GFRA1: variants seen among roughly 807,000 people sequenced by gnomAD.
The protein encoded by GFRA1 is GDNF family receptor alpha 1.
GFRA1 carries 16 observed loss-of-function variants against 51.6 expected under a neutral mutation model. The ratio of observed to expected loss-of-function variants is 0.31; its 90% CI spans 0.21 to 0.47. The LOEUF is 0.47. Among genes scored for constraint, GFRA1 ranks in the 20% least tolerant of loss-of-function variants. The pLI is 1.00. For missense variants in GFRA1, 530 were observed against 594.3 expected, an observed-to-expected ratio of 0.89 and a Z score of 1.13; for synonymous variants, 270 against 241.3, an observed-to-expected ratio of 1.12 and a Z score of -1.10.
intron 9 of GFRA1, among the ~76,000 whole-genome samples, chr10:116,070,313 A>G (rs555340201): frequency 3.9e-4 from 60 of 152,360 alleles, no homozygotes; most frequent in African/African-American, 1.4e-3. Flanking sequence ...ACCTAGCTGC[A>G]TCTATCACAC....
At chr10:116,270,703 G>T in intron 3 of GFRA1, 119 bp downstream of exon 3, 1 of 811,352 alleles carries the variant, frequency 1.2e-6, no homozygotes, top group Non-Finnish European at 2.0e-6. Flanking sequence ...CCAAGGAAAG[G>T]TCCTCACTCT....
intron 6 of GFRA1, among the ~76,000 whole-genome samples, chr10:116,099,924 G>A (rs1589788289): frequency 6.6e-6 from 1 of 152,154 alleles, no homozygotes; most frequent in Non-Finnish European, 1.5e-5. Context: ...AATTGTTATT[G>A]TTATTTTATT....
intron 4 of GFRA1, among the ~76,000 whole-genome samples, chr10:116,262,846 G>C (rs1206388478): frequency 6.6e-6 from 1 of 152,160 alleles, no homozygotes; most frequent in African/African-American, 2.4e-5. Flanking sequence ...GCCGCTATGA[G>C]GGGTACTGGA....
intron 6 of GFRA1, among the ~76,000 whole-genome samples, chr10:116,113,514 T>A (rs1400645342): frequency 1.3e-5 from 2 of 152,198 alleles, no homozygotes; most frequent in Non-Finnish European, 2.9e-5. Flanking sequence ...ACTTTAAAAT[T>A]TTTGTTTTAA....
chr10:116,098,839 T>A (rs1409685172), intron 6 of GFRA1, among the ~76,000 whole-genome samples: 1 of 152,218 alleles, frequency 6.6e-6, no homozygotes, highest in African/African-American at 2.4e-5. Context: ...AATGAAAGGC[T>A]AATTGAGTCA....
At chr10:116,239,830 C>G (rs1422451975) in intron 4 of GFRA1, among the ~76,000 whole-genome samples, 2 of 152,036 alleles carry the variant, frequency 1.3e-5, no homozygotes, top group East Asian at 3.9e-4. Flanking sequence ...ACTGAGTCTC[C>G]TAGGATTTAC....
chr10:116,094,072 G>A (rs191031655), intron 7 of GFRA1, among the ~76,000 whole-genome samples: 3 of 152,226 alleles, frequency 2.0e-5, no homozygotes, highest in Admixed American at 2.0e-4. Context: ...CTGCACTTAG[G>A]GTATTCCTTC....
intron 4 of GFRA1, among the ~76,000 whole-genome samples, chr10:116,262,005 C>A (rs1301611813): frequency 1.3e-5 from 2 of 152,162 alleles, no homozygotes; most frequent in African/African-American, 2.4e-5. Flanking sequence ...CAATTTGATA[C>A]CTCCTCTTGA....
chr10:116,200,760 C>G (rs572141917), intron 5 of GFRA1, among the ~76,000 whole-genome samples: 1 of 152,294 alleles, frequency 6.6e-6, no homozygotes, highest in South Asian at 2.1e-4. Flanking sequence ...GAGAGCTCTA[C>G]CCTATGACCT....
rs144458005 is a variant in GFRA1 at position 116,100,725 on chromosome 10, C to A, written c.771-3961G>T. 2.0e-5 allele frequency among the ~76,000 whole-genome samples: 3 copies of A among 152,302 alleles called. No individual in the cohort carries two copies. In the East Asian group the frequency reaches 5.8e-4, roughly 29 times the overall value. The stretch of plus-strand genomic sequence containing the variant: ...GCTTCAGACCTACTGTGTGCCCTCA[C>A]TGTTCCAGCAGCAATGGGAAGAGCA... On this transcript the variant is annotated intron_variant, in intron 6 of 10. Coordinates refer to ENST00000355422, the MANE Select transcript of GFRA1 (RefSeq NM_005264.8).
chr10:116,094,100 A>G (rs1236416387), intron 7 of GFRA1, among the ~76,000 whole-genome samples: 1 of 152,176 alleles, frequency 6.6e-6, no homozygotes, highest in African/African-American at 2.4e-5. Flanking sequence ...AATGGTATGG[A>G]TGTCGTGGAG....
At chr10:116,195,231 CCT>C (rs1963631976) in intron 5 of GFRA1, among the ~76,000 whole-genome samples, 1 of 152,148 alleles carries the variant, frequency 6.6e-6, no homozygotes, top group African/African-American at 2.4e-5. Flanking sequence ...TTTAAATTGC[CCT>C]GTTAACTTAG....
At chr10:116,161,961 T>G (rs1959853574) in intron 5 of GFRA1, among the ~76,000 whole-genome samples, 1 of 152,218 alleles carries the variant, frequency 6.6e-6, no homozygotes, top group Non-Finnish European at 1.5e-5. Flanking sequence ...TTTATAACAT[T>G]GAGAATTATT....
At chr10:116,243,361 T>C (rs1357166512) in intron 4 of GFRA1, among the ~76,000 whole-genome samples, 3 of 152,132 alleles carry the variant, frequency 2.0e-5, no homozygotes, top group African/African-American at 7.2e-5. Context: ...CAAGAAGGCA[T>C]GTAGAAACCT....
intron 5 of GFRA1, among the ~76,000 whole-genome samples, chr10:116,158,092 G>C (rs1959342648): frequency 6.6e-6 from 1 of 152,222 alleles, no homozygotes; most frequent in South Asian, 2.1e-4. Context: ...ACTTCCTCAG[G>C]AATAGTCCCT....
At chr10:116,259,026 T>A (rs949867788) in intron 4 of GFRA1, among the ~76,000 whole-genome samples, 1 of 152,248 alleles carries the variant, frequency 6.6e-6, no homozygotes, top group Non-Finnish European at 1.5e-5. Context: ...TCTCCTGGTA[T>A]CTTCCTCATC....
intron 9 of GFRA1, among the ~76,000 whole-genome samples, chr10:116,070,652 C>T (rs1955339815): frequency 6.6e-6 from 1 of 151,922 alleles, no homozygotes; most frequent in Non-Finnish European, 1.5e-5. Flanking sequence ...GTACGTGATA[C>T]CAATTTGCCC....
intron 6 of GFRA1, among the ~76,000 whole-genome samples, chr10:116,113,895 G>A (rs1469494397): frequency 3.9e-5 from 6 of 152,152 alleles, no homozygotes; most frequent in African/African-American, 7.2e-5. Context: ...TGCCAAGTAC[G>A]TGTTGCTCGC....
At chr10:116,118,779 G>A (rs1010246054) in intron 6 of GFRA1, among the ~76,000 whole-genome samples, 1 of 152,118 alleles carries the variant, frequency 6.6e-6, no homozygotes, top group African/African-American at 2.4e-5. Context: ...TTCTCTCTCT[G>A]AGCCAAGAGT....
Sources: gnomAD v4.1 joint callset for allele counts (sites outside exome capture counted in the v4.1 genomes callset) on GRCh38, gnomAD v4.1.1 for gene constraint, MANE v1.5 for transcripts, NCBI Gene and HGNC (gene_info 2026-07-23, HGNC 2026-07-21) for gene names.